EPHA7: variants seen among roughly 807,000 people sequenced by gnomAD.
EPHA7 encodes the protein EPH receptor A7.
In EPHA7, 25 loss-of-function variants were observed where a neutral mutation model predicts 112.6. That is an observed-to-expected ratio of 0.22 (90% CI 0.16 to 0.31). The LOEUF (loss-of-function observed/expected upper bound fraction) is 0.31. Among genes scored for constraint, EPHA7 ranks in the 10% least tolerant of loss-of-function variants. EPHA7 has a pLI of 1.00. For missense variants in EPHA7, 962 were observed against 1,212.6 expected, an observed-to-expected ratio of 0.79 and a Z score of 3.07; for synonymous variants, 437 against 406.5, an observed-to-expected ratio of 1.07 and a Z score of -0.90.
chr6:93,395,396 A>G (rs1047201355), intron 3 of EPHA7, among the ~76,000 whole-genome samples: 2 of 151,906 alleles, frequency 1.3e-5, no homozygotes, highest in African/African-American at 4.8e-5. Context: ...CACTGCATTT[A>G]GAGACAGAAG....
intron 5 of EPHA7, among the ~76,000 whole-genome samples, chr6:93,345,547 T>C (rs985603615): frequency 6.6e-6 from 1 of 151,822 alleles, no homozygotes; most frequent in South Asian, 2.1e-4. Flanking sequence ...CCCTTTGTGA[T>C]TGACCTATTT....
chr6:93,290,091 T>C (rs1329143444), intron 5 of EPHA7, among the ~76,000 whole-genome samples: 1 of 152,076 alleles, frequency 6.6e-6, no homozygotes, highest in African/African-American at 2.4e-5. Flanking sequence ...AGCCAAGAGT[T>C]TCCTTTTAAA....
chr6:93,299,890 A>G (rs564992361), intron 5 of EPHA7, among the ~76,000 whole-genome samples: 1 of 152,168 alleles, frequency 6.6e-6, no homozygotes, highest in Non-Finnish European at 1.5e-5. Context: ...AGTGAATACT[A>G]CATGTTCTCA....
intron 3 of EPHA7, among the ~76,000 whole-genome samples, chr6:93,387,609 C>G (rs1161085991): frequency 2.0e-5 from 3 of 152,050 alleles, no homozygotes. Context: ...GTAATTTATA[C>G]AGGAAGGAGG....
chr6:93,346,236 A>G (rs534553111), intron 5 of EPHA7, among the ~76,000 whole-genome samples: 1 of 151,914 alleles, frequency 6.6e-6, no homozygotes, highest in Non-Finnish European at 1.5e-5. Flanking sequence ...TACATGAATA[A>G]TGTATGAAAT....
At chr6:93,289,099 C>T (rs1488702987) in intron 5 of EPHA7, among the ~76,000 whole-genome samples, 3 of 151,994 alleles carry the variant, frequency 2.0e-5, no homozygotes, top group Non-Finnish European at 2.9e-5. Flanking sequence ...TTTTTTCCCC[C>T]CATATAAGTT....
chr6:93,285,196 A>G (rs1331347224), intron 5 of EPHA7, among the ~76,000 whole-genome samples: 1 of 152,192 alleles, frequency 6.6e-6, no homozygotes, highest in Non-Finnish European at 1.5e-5. Flanking sequence ...ATACATTTTG[A>G]TTAGCTTTGC....
Position 93,272,325 on chromosome 6 carries a change from T to C in EPHA7, c.1422A>G (p.Thr474=). 6.2e-7 allele frequency: 1 copy of C among 1,612,106 alleles called. No individual in the cohort carries two copies. The highest frequency in any genetic ancestry group is 8.5e-7 in the Non-Finnish European group (1 of 1,178,582). The change falls in exon 6 of 17, where the codon ACA becomes ACG. Residue 474 remains threonine (T), a synonymous_variant. Coordinates refer to ENST00000369303, the MANE Select transcript of EPHA7 (RefSeq NM_004440.4). ...QEPEHPNGVI[T]EYEIKYYEKD... ...TCTCGTAATACTTGATTTCATATTC[T>C]GTGATGACTCCATTGGGATGCTCTG...
chr6:93,336,381 C>A (rs1345730855), intron 5 of EPHA7, among the ~76,000 whole-genome samples: 1 of 152,096 alleles, frequency 6.6e-6, no homozygotes, highest in Non-Finnish European at 1.5e-5. Context: ...AAATGTACAA[C>A]TGTTCAAAGC....
rs1389171261 is a variant in EPHA7, at chr6:93,259,400, C to T, written c.1878G>A (p.Lys626=). The change falls in exon 10 of 17, where the codon AAG becomes AAA. Residue 626 remains lysine, a synonymous_variant. Coordinates refer to ENST00000369303, the MANE Select transcript of EPHA7 (RefSeq NM_004440.4). The stretch of plus-strand genomic sequence containing the variant: ...TTTTAATACAGGAGGCATCTAGCTC[C>T]TTGGCGAATTGATGGACAGCTCTAT... ...DPNRAVHQFA[K]ELDASCIKIE... is the part of the protein sequence containing the mutation. 6.2e-7 allele frequency: 1 copy of T among 1,612,266 alleles called. No individual in the cohort carries two copies. Among genetic ancestry groups the T allele is most frequent in the Non-Finnish European group, 8.5e-7 (1 of 1,178,646 alleles).
In EPHA7 at chr6:93,332,498, A is replaced by AT. The variant is rs1774645516; in HGVS notation, c.1324+24218dup. On this transcript the variant is annotated intron_variant, in intron 5 of 16. Coordinates refer to ENST00000369303, the MANE Select transcript of EPHA7 (RefSeq NM_004440.4). ...TCTCTCTTTGCTAAGTGGCTTATAT[A>AT]TTTTTATATGCAATTTATAGGAACT... Among the ~76,000 whole-genome samples the AT allele has an allele frequency of 2.0e-5, 3 of 151,584 alleles. No individual in the cohort carries two copies. The South Asian group carries it at 6.2e-4, about 31-fold the overall frequency.
chr6:93,257,964 A>G, intron 11 of EPHA7, 135 bp downstream of exon 11: 4 of 800,886 alleles, frequency 5.0e-6, no homozygotes, highest in Non-Finnish European at 7.4e-6. Context: ...GAATTTTTTG[A>G]TTAGTTACAT....
chr6:93,376,492 T>C lies in EPHA7; in HGVS notation c.833-18081A>G, dbSNP rs140981502. Among the ~76,000 whole-genome samples the C allele has an allele frequency of 1.6e-4, 25 of 152,258 alleles. No individual in the cohort carries two copies. In the East Asian group the frequency reaches 3.3e-3, roughly 20 times the overall value. ...AAAGTCTGCCACCAAATAACTGACA[T>C]GAATTCTTTGAGAACATAACTGATC... On this transcript the variant is annotated intron_variant, in intron 3 of 16. Transcript: ENST00000369303.
At chr6:93,282,551 T>C (rs566541990) in intron 5 of EPHA7, among the ~76,000 whole-genome samples, 1 of 152,330 alleles carries the variant, frequency 6.6e-6, no homozygotes, top group Non-Finnish European at 1.5e-5. Flanking sequence ...CTGGCCACAC[T>C]TGAGGAGCCC....
At chr6:93,338,155 C>T (rs374995432) in intron 5 of EPHA7, among the ~76,000 whole-genome samples, 6 of 152,160 alleles carry the variant, frequency 3.9e-5, no homozygotes, top group Middle Eastern at 3.4e-3. Flanking sequence ...CAATTTTCTG[C>T]GGTTAAGGAA....
intron 3 of EPHA7, among the ~76,000 whole-genome samples, chr6:93,394,797 G>C (rs1057192684): frequency 6.6e-6 from 1 of 151,728 alleles, no homozygotes; most frequent in African/African-American, 2.4e-5. Flanking sequence ...GAAATCTACC[G>C]TGTCAGATAA....
intron 2 of EPHA7, among the ~76,000 whole-genome samples, chr6:93,413,178 T>C (rs923502550): frequency 5.3e-5 from 8 of 152,100 alleles, no homozygotes; most frequent in African/African-American, 1.9e-4. Flanking sequence ...AGAACATTTT[T>C]TTTAGTTAGG....
rs888386167 is a variant in EPHA7, at chr6:93,338,943, G to A, written c.1324+17774C>T. ...CCTTATAGCTATATCTATATGTACAGAGAGATAATCAAATTTTATGTTAAA... is the reference window on the plus strand; with the variant it reads ...CCTTATAGCTATATCTATATGTACAAAGAGATAATCAAATTTTATGTTAAA... On this transcript the variant is annotated intron_variant, in intron 5 of 16. Transcript: ENST00000369303. 6.7e-5 allele frequency among the ~76,000 whole-genome samples: 10 copies of A among 149,334 alleles called. No homozygotes were observed. The South Asian group carries it at 2.1e-3, about 31-fold the overall frequency.
At chr6:93,414,651 C>T (rs1582699114) in intron 2 of EPHA7, 52 bp downstream of exon 2, 7 of 1,385,788 alleles carry the variant, frequency 5.1e-6, no homozygotes, top group African/African-American at 4.3e-5. Flanking sequence ...GGAAGGGAAA[C>T]GTTTTGTTTC....
Sources: gnomAD v4.1 joint callset for allele counts (sites outside exome capture counted in the v4.1 genomes callset) on GRCh38, gnomAD v4.1.1 for gene constraint, MANE v1.5 for transcripts, NCBI Gene and HGNC (gene_info 2026-07-23, HGNC 2026-07-21) for gene names.